Variants in TMPRSS11F observed in about 807,000 individuals in gnomAD.
TMPRSS11F encodes transmembrane serine protease 11F.
In TMPRSS11F, 47 loss-of-function variants were observed where a neutral mutation model predicts 60.2. The ratio of observed to expected loss-of-function variants is 0.78; its 90% CI spans 0.62 to 1.00. TMPRSS11F has a LOEUF of 1.00. TMPRSS11F is among the 50% of genes least tolerant of loss of function. The probability of loss-of-function intolerance (pLI) is 0.00; values close to 1 mark genes in which losing one functional copy is unlikely to be tolerated. For missense variants in TMPRSS11F, 519 were observed against 522.9 expected, an observed-to-expected ratio of 0.99 and a Z score of 0.07; for synonymous variants, 166 against 167.3, an observed-to-expected ratio of 0.99 and a Z score of 0.06.
At chr4:68,120,419 C>T (rs1437186769) in intron 1 of TMPRSS11F, among the ~76,000 whole-genome samples, 3 of 135,830 alleles carry the variant, frequency 2.2e-5, no homozygotes, top group African/African-American at 2.9e-5. Flanking sequence ...GACGGAGTCT[C>T]GCTCTGTCGC....
intron 1 of TMPRSS11F, among the ~76,000 whole-genome samples, chr4:68,109,734 T>G (rs1724375236): frequency 6.6e-6 from 1 of 152,168 alleles, no homozygotes; most frequent in African/African-American, 2.4e-5. Flanking sequence ...ATATGACCAG[T>G]ATTATTCAGA....
At chr4:68,097,224 A>G (rs6552149) in intron 2 of TMPRSS11F, among the ~76,000 whole-genome samples, 58,009 of 152,120 alleles carry the variant, frequency 0.38, 12,900 homozygotes, top group Non-Finnish European at 0.52. Flanking sequence ...GACTTAAAAC[A>G]ACACGAATTT....
chr4:68,125,266 A>G (rs1303202681), intron 1 of TMPRSS11F, among the ~76,000 whole-genome samples: 1 of 151,910 alleles, frequency 6.6e-6, no homozygotes, highest in Non-Finnish European at 1.5e-5. Flanking sequence ...ATCACCTGAT[A>G]ATAATGCTAT....
chr4:68,113,545 A>G (rs1050470722), intron 1 of TMPRSS11F, among the ~76,000 whole-genome samples: 1 of 152,208 alleles, frequency 6.6e-6, no homozygotes, highest in Non-Finnish European at 1.5e-5. Context: ...GAAAGATGAT[A>G]TGTCATTATA....
intron 1 of TMPRSS11F, among the ~76,000 whole-genome samples, chr4:68,104,506 G>C (rs1419557261): frequency 2.6e-5 from 4 of 151,964 alleles, no homozygotes; most frequent in Non-Finnish European, 5.9e-5. Context: ...CTGCCTTCAC[G>C]CTGTACTTCT....
chr4:68,066,299 G>C (rs1415673025), intron 7 of TMPRSS11F, among the ~76,000 whole-genome samples: 1 of 152,014 alleles, frequency 6.6e-6, no homozygotes, highest in Non-Finnish European at 1.5e-5. Flanking sequence ...TATGACTTCA[G>C]GCCTTAAGGA....
rs1481111279 is a variant in TMPRSS11F, at chr4:68,073,932, A to G, written c.350+10T>C. 2 of 1,552,114 alleles carry G rather than the reference A, an allele frequency of 1.3e-6. No homozygotes were observed. Among genetic ancestry groups the G allele is most frequent in the African/African-American group, 1.4e-5 (1 of 72,448 alleles). On this transcript the variant is annotated intron_variant, in intron 4 of 9. Coordinates refer to ENST00000356291, the MANE Select transcript of TMPRSS11F (RefSeq NM_207407.2). ...GTATTAACTTGAAATTATAAACCAA[A>G]TTTACATACCTTAATTTGATAACAT...
At chr4:68,113,055 A>G (rs933521525) in intron 1 of TMPRSS11F, among the ~76,000 whole-genome samples, 13 of 152,290 alleles carry the variant, frequency 8.5e-5, no homozygotes, top group Non-Finnish European at 1.6e-4. Context: ...ATTCCCTTAC[A>G]CTGCATATGC....
At chr4:68,128,420 T>C (rs374488898) in intron 1 of TMPRSS11F, among the ~76,000 whole-genome samples, 2 of 152,084 alleles carry the variant, frequency 1.3e-5, no homozygotes, top group East Asian at 1.9e-4. Context: ...TTATTATATG[T>C]CAACTTAATA....
chr4:68,094,662 C>T (rs1393050436), intron 2 of TMPRSS11F, among the ~76,000 whole-genome samples: 1 of 151,568 alleles, frequency 6.6e-6, no homozygotes, highest in Non-Finnish European at 1.5e-5. Flanking sequence ...AAATATAATC[C>T]CTACATTCCT....
intron 7 of TMPRSS11F, among the ~76,000 whole-genome samples, chr4:68,065,555 C>T (rs1723308501): frequency 6.6e-6 from 1 of 152,098 alleles, no homozygotes; most frequent in Admixed American, 6.5e-5. Context: ...GCTTTTCTCT[C>T]CCATAGATGC....
chr4:68,124,557 A>T (rs145983959), intron 1 of TMPRSS11F, among the ~76,000 whole-genome samples: 2 of 152,188 alleles, frequency 1.3e-5, no homozygotes, highest in Admixed American at 6.5e-5. Flanking sequence ...TTATTGATTC[A>T]TTGATTCTTT....
At chr4:68,080,798 T>C (rs1231870077) in intron 3 of TMPRSS11F, 1 of 152,220 alleles carries the variant, frequency 6.6e-6, no homozygotes, top group African/African-American at 2.4e-5. Context: ...GTTCTGTGTT[T>C]TGGAATATAA....
intron 1 of TMPRSS11F, among the ~76,000 whole-genome samples, chr4:68,117,032 G>A (rs1361078425): frequency 6.6e-6 from 1 of 152,042 alleles, no homozygotes; most frequent in Admixed American, 6.6e-5. Flanking sequence ...GCACAGTCAA[G>A]GAATCAATTA....
intron 2 of TMPRSS11F, among the ~76,000 whole-genome samples, chr4:68,092,220 TA>T (rs11367891): frequency 0.42 from 64,036 of 151,946 alleles, 14,318 homozygotes; most frequent in Non-Finnish European, 0.52. Context: ...TTTTAGATCA[TA>T]AATGCTGTAT....
At chr4:68,110,607 A>C (rs1414370806) in intron 1 of TMPRSS11F, among the ~76,000 whole-genome samples, 2 of 152,176 alleles carry the variant, frequency 1.3e-5, no homozygotes, top group Admixed American at 6.6e-5. Context: ...CAAGATACTG[A>C]ACCTTTTTTA....
intron 1 of TMPRSS11F, among the ~76,000 whole-genome samples, chr4:68,116,412 C>T (rs1379219602): frequency 6.6e-6 from 1 of 151,956 alleles, no homozygotes; most frequent in Non-Finnish European, 1.5e-5. Context: ...TTAAAATGCC[C>T]ATACTACCCA....
intron 5 of TMPRSS11F, 99 bp downstream of exon 5, chr4:68,072,224 A>ATAT (rs1553885908): frequency 2.5e-5 from 1 of 40,420 alleles, no homozygotes; most frequent in South Asian, 9.2e-4. Context: ...TATCTTCCAA[A>ATAT]AAAAAAATAT....
At chr4:68,065,926 A>G (rs1167118502) in intron 7 of TMPRSS11F, among the ~76,000 whole-genome samples, 2 of 151,808 alleles carry the variant, frequency 1.3e-5, no homozygotes, top group Non-Finnish European at 2.9e-5. Flanking sequence ...GACCAGCCTG[A>G]CCAATATGGT....
Sources: gnomAD v4.1 joint callset for allele counts (sites outside exome capture counted in the v4.1 genomes callset) on GRCh38, gnomAD v4.1.1 for gene constraint, MANE v1.5 for transcripts, NCBI Gene and HGNC (gene_info 2026-07-23, HGNC 2026-07-21) for gene names.